Variants in PCID2 observed in about 807,000 individuals in gnomAD.
PCID2 encodes the protein PCI domain-containing protein 2.
Under a neutral mutation model 61.3 loss-of-function variants are expected in PCID2, and 41 were observed. That is an observed-to-expected ratio of 0.67 (90% CI 0.52 to 0.87). The LOEUF (loss-of-function observed/expected upper bound fraction) is 0.87, where lower values mean the gene tolerates loss of function less well. PCID2 is among the 40% of genes least tolerant of loss of function. The probability of loss-of-function intolerance (pLI) is 0.00; values close to 1 mark genes in which losing one functional copy is unlikely to be tolerated. For missense variants in PCID2, 392 were observed against 493.4 expected (o/e 0.79, Z 1.95); for synonymous variants, 187 against 177.8 (o/e 1.05, Z -0.41).
the PCID2 span, among the ~76,000 whole-genome samples, chr13:113,169,547 T>C: frequency 6.6e-6 from 1 of 152,260 alleles, no homozygotes; most frequent in Non-Finnish European, 1.5e-5. Flanking sequence ...ACTTGGATAT[T>C]GTCCTAGGAC....
chr13:113,176,664 G>A (rs983851685), downstream of PCID2, among the ~76,000 whole-genome samples: 1 of 152,182 alleles, frequency 6.6e-6, no homozygotes, highest in Non-Finnish European at 1.5e-5. Context: ...TTGGGAGGCT[G>A]AGGAGGGAAG....
the PCID2 span, among the ~76,000 whole-genome samples, chr13:113,167,755 A>G: frequency 6.6e-6 from 1 of 152,186 alleles, no homozygotes; most frequent in Non-Finnish European, 1.5e-5. Flanking sequence ...TCTGCCTTTT[A>G]ATTGGGGTAT....
Position 113,200,494 on chromosome 13 carries a change from C to A in PCID2, c.59G>T (p.Arg20Ile). The change falls in exon 2 of 14, where the codon AGA (arginine) becomes ATA (isoleucine). Residue 20 changes from arginine to isoleucine, a missense_variant. Physicochemically the swap from Arg to Ile is moderately conservative, Grantham distance 97. Around this residue, in one of 3 missense-constraint regions of PCID2, gnomAD observed 155 missense variants for 164.9 expected, o/e 0.94. Transcript: ENST00000337344. ...LQQVYEAIDS[R>I]DGASCAELVS... is the part of the protein sequence containing the mutation. ...CAACTCTGCACAAGATGCTCCATCT[C>A]TGCTGTCGATGGCTTCGTACACCTG... 7 of 1,612,772 alleles carry A rather than the reference C, an allele frequency of 4.3e-6. No individual in the cohort carries two copies. The South Asian group carries it at 7.7e-5, about 18-fold the overall frequency.
At chr13:113,170,601 C>T in the PCID2 span, 2,558 of 991,152 alleles carry the variant, frequency 2.6e-3, 37 homozygotes, top group African/African-American at 0.036. Flanking sequence ...AATGAAATGA[C>T]AAATTTAAAA....
chr13:113,189,918 G>A (rs937727104), intron 7 of PCID2, among the ~76,000 whole-genome samples: 3 of 152,060 alleles, frequency 2.0e-5, no homozygotes, highest in African/African-American at 7.2e-5. Context: ...AGCTATTCAG[G>A]AGGCTGAGGC....
Position 113,200,453 on chromosome 13 carries a change from G to C in PCID2, c.100C>G (p.Pro34Ala). The part of the protein sequence containing the change: ...SCAELVSFKH[P>A]HVANPRLQMA... The stretch of plus-strand genomic sequence containing the variant: ...TGAAGTCGTGGGTTTGCAACATGAG[G>C]ATGTTTAAAAGACACCAACTCTGCA... Residue 34 changes from proline to alanine, a missense_variant, in exon 2 of 14, where the codon CCT (proline) becomes GCT (alanine). Transcript: ENST00000337344. 6.2e-7 allele frequency: 1 copy of C among 1,612,422 alleles called. No homozygotes were observed.
At chr13:113,170,299 CG>C in the PCID2 span, 10 of 508,766 alleles carry the variant, frequency 2.0e-5, no homozygotes, top group Non-Finnish European at 3.4e-5. Context: ...CTGCCTTTGG[CG>C]GGGGGTGGGG....
At chr13:113,177,329 G>C (rs925471003), downstream of PCID2, among the ~76,000 whole-genome samples, 3 of 151,966 alleles carry the variant, frequency 2.0e-5, no homozygotes, top group African/African-American at 7.3e-5. Flanking sequence ...TAGAGACGGG[G>C]TTTCTCCATG....
chr13:113,191,569 T>C (rs754186360), intron 6 of PCID2, among the ~76,000 whole-genome samples: 3 of 152,234 alleles, frequency 2.0e-5, no homozygotes, highest in Non-Finnish European at 4.4e-5. Flanking sequence ...CTTCAGTCCC[T>C]GAAGTTGGCT....
At position 113,190,915 on chromosome 13, in the gene PCID2, C is replaced by T. The variant is rs1264426308; in HGVS notation, c.424G>A (p.Ala142Thr). The T allele has an allele frequency of 1.2e-5, 20 of 1,613,694 alleles. No individual in the cohort carries two copies. Among genetic ancestry groups the T allele is most frequent in the Non-Finnish European group, 1.6e-5 (19 of 1,179,776 alleles). The part of the protein sequence containing the change: ...SKVGDMLEKA[A>T]ELLMSCFRVC... Reference sequence around the variant, plus strand: ...CGGAAACAGCTCATCAGTAACTCTGCTGCTTTTTCCAACATGTCCCCAACT... The same window carrying T: ...CGGAAACAGCTCATCAGTAACTCTGTTGCTTTTTCCAACATGTCCCCAACT... The change falls in exon 7 of 14, where the codon GCA becomes ACA. Residue 142 changes from alanine to threonine, a missense_variant. Physicochemically the swap from Ala to Thr is moderately conservative, Grantham distance 58. Transcript: ENST00000337344.
intron 1 of PCID2, 105 bp downstream of exon 1, chr13:113,208,494 G>C: frequency 1.3e-6 from 2 of 1,545,146 alleles, no homozygotes; most frequent in Non-Finnish European, 1.7e-6. Flanking sequence ...GAAGAAGGGT[G>C]GCGAGGCGGG....
chr13:113,187,743 G>A (rs560443752), intron 7 of PCID2: 2 of 152,216 alleles, frequency 1.3e-5, no homozygotes, highest in East Asian at 3.9e-4. Flanking sequence ...ATATATTCTG[G>A]ATATTAGGCC....
At chr13:113,181,914 G>C (rs1457379725) in intron 9 of PCID2, among the ~76,000 whole-genome samples, 1 of 152,192 alleles carries the variant, frequency 6.6e-6, no homozygotes, top group Non-Finnish European at 1.5e-5. Context: ...TCTCAGAACA[G>C]GCAGGCAGGA....
chr13:113,187,734 T>C (rs985379966), intron 7 of PCID2: 12 of 152,252 alleles, frequency 7.9e-5, no homozygotes, highest in African/African-American at 2.7e-4. Flanking sequence ...TAATTCTTTA[T>C]ATATTCTGGA....
At chr13:113,185,629 CT>C in intron 7 of PCID2, 69 bp from the exon 8 acceptor site, 1 of 1,000,170 alleles carries the variant, frequency 1.0e-6, no homozygotes, top group Non-Finnish European at 1.6e-6. Context: ...ACAAAATAAA[CT>C]GCCTAAACAA....
chr13:113,190,143 A>C (rs1407408459), intron 7 of PCID2, among the ~76,000 whole-genome samples: 1 of 152,110 alleles, frequency 6.6e-6, no homozygotes, highest in Non-Finnish European at 1.5e-5. Flanking sequence ...ATGGGGCCAA[A>C]AGTAGTTAAA....
At chr13:113,167,633 C>CT in the PCID2 span, among the ~76,000 whole-genome samples, 1 of 152,104 alleles carries the variant, frequency 6.6e-6, no homozygotes, top group South Asian at 2.1e-4. Flanking sequence ...TTCCAATCTT[C>CT]TACTTTTAGC....
At position 113,178,098 on chromosome 13, in the gene PCID2, C is replaced by T. The variant is rs750602343; in HGVS notation, c.*100G>A. The T allele has an allele frequency of 3.9e-5, 30 of 763,374 alleles. No homozygotes were observed. The highest frequency in any genetic ancestry group is 5.2e-5 in the African/African-American group (3 of 57,326). The allele number at this position is 763,374 out of a possible 1,614,324, so 47.3% of individuals were successfully genotyped here. A position where few individuals can be genotyped will look rare whatever the true frequency, so the allele number is the denominator to read the frequency against. On this transcript the variant is annotated 3_prime_UTR_variant, in exon 14 of 14. Transcript: ENST00000337344. ...CTGGGAAAAGCGCCTCCAAGAGTTC[C>T]GGCTTCAGGGAGCCTTGTTGCAGTA...
chr13:113,185,912 A>G (rs1566951730), intron 7 of PCID2: 2 of 189,434 alleles, frequency 1.1e-5, no homozygotes, highest in Non-Finnish European at 2.2e-5. Flanking sequence ...AAAATAGGGC[A>G]TGGTGGTGTG....
Sources: allele counts gnomAD v4.1 joint callset (sites outside exome capture counted in the v4.1 genomes callset), GRCh38; gene constraint gnomAD v4.1.1; regional missense constraint gnomAD v4.1.1; transcripts MANE v1.5; gene names NCBI Gene and HGNC (gene_info 2026-07-23, HGNC 2026-07-21).